The following CAMK1D variants were observed in gnomAD, a reference collection of about 807,000 sequenced individuals.
CAMK1D encodes the protein calcium/calmodulin dependent protein kinase ID.
A neutral mutation model predicts 47.7 loss-of-function variants in CAMK1D; 9 were observed. That is an observed-to-expected ratio of 0.19 (90% CI 0.11 to 0.33). The LOEUF (loss-of-function observed/expected upper bound fraction) is 0.33. Ranked by LOEUF, CAMK1D falls within the 10% of genes least tolerant of loss-of-function variation. The probability of loss-of-function intolerance (pLI) is 1.00; values close to 1 mark genes in which losing one functional copy is unlikely to be tolerated. For missense variants in CAMK1D, 291 were observed against 488.7 expected, an observed-to-expected ratio of 0.60 and a Z score of 3.81; for synonymous variants, 184 against 184.9, an observed-to-expected ratio of 0.99 and a Z score of 0.04.
At chr10:12,470,463 T>C (rs1188510781) in intron 1 of CAMK1D, among the ~76,000 whole-genome samples, 1 of 152,206 alleles carries the variant, frequency 6.6e-6, no homozygotes, top group Non-Finnish European at 1.5e-5. Context: ...ATATTGTAAA[T>C]TTTTCACTAA....
chr10:12,573,356 C>T (rs1837385498), intron 2 of CAMK1D, among the ~76,000 whole-genome samples: 1 of 136,334 alleles, frequency 7.3e-6, no homozygotes, highest in Non-Finnish European at 1.5e-5. Context: ...TGCTTTTTAT[C>T]GTCATGCAGA....
At chr10:12,526,951 C>T (rs981337502) in intron 1 of CAMK1D, among the ~76,000 whole-genome samples, 60 of 150,436 alleles carry the variant, frequency 4.0e-4, no homozygotes, top group Non-Finnish European at 2.7e-4. Flanking sequence ...CTCAGAAGGC[C>T]GAGATGGGAG....
At chr10:12,427,154 C>T (rs1840262559) in intron 1 of CAMK1D, among the ~76,000 whole-genome samples, 1 of 152,318 alleles carries the variant, frequency 6.6e-6, no homozygotes, top group African/African-American at 2.4e-5. Context: ...AACTGGGCAT[C>T]ACTGGCATTT....
chr10:12,797,809 G>T (rs914936435), intron 6 of CAMK1D, among the ~76,000 whole-genome samples: 2 of 152,094 alleles, frequency 1.3e-5, no homozygotes, highest in African/African-American at 2.4e-5. Context: ...CAGAATTTGG[G>T]CCATATTTCA....
At chr10:12,450,556 A>G (rs1226261222) in intron 1 of CAMK1D, among the ~76,000 whole-genome samples, 1 of 152,230 alleles carries the variant, frequency 6.6e-6, no homozygotes, top group Non-Finnish European at 1.5e-5. Context: ...TGGTGTCTCC[A>G]GCTGGGCTTG....
chr10:12,685,644 T>C lies in CAMK1D; in HGVS notation c.299+18834T>C, dbSNP rs1412282494. Among the ~76,000 whole-genome samples the C allele has an allele frequency of 3.3e-5, 5 of 152,298 alleles. No individual in the cohort carries two copies. In the South Asian group the frequency reaches 1.0e-3, roughly 32 times the overall value. Reference sequence around the variant, plus strand: ...TTCTCCAGCTGCTGAATTATGCATATTTTTATTCAGAAAAGTCACCCTAGG... The same window carrying C: ...TTCTCCAGCTGCTGAATTATGCATACTTTTATTCAGAAAAGTCACCCTAGG... On this transcript the variant is annotated intron_variant, in intron 3 of 10. Transcript: ENST00000619168.
intron 1 of CAMK1D, among the ~76,000 whole-genome samples, chr10:12,480,842 T>A (rs796066264): frequency 6.6e-5 from 10 of 152,306 alleles, no homozygotes; most frequent in African/African-American, 2.2e-4. Flanking sequence ...CGTGTAGATA[T>A]ATGAGATGCA....
At chr10:12,508,657 T>C (rs1042185772) in intron 1 of CAMK1D, among the ~76,000 whole-genome samples, 17 of 152,314 alleles carry the variant, frequency 1.1e-4, no homozygotes, top group Non-Finnish European at 1.0e-4. Flanking sequence ...ATGTGACATA[T>C]ATTTTATCAC....
rs533248048 is a variant in CAMK1D, at chr10:12,509,154, C to T, written c.93-44071C>T. ...GGGAACCTTCCTCTGGATAATTGCA[C>T]GACTTTCCCTTTAGCAGCCGCCAAT... On this transcript the variant is annotated intron_variant, in intron 1 of 10. Transcript: ENST00000619168. Among the ~76,000 whole-genome samples the T allele has an allele frequency of 1.7e-4, 26 of 152,326 alleles. No homozygotes were observed. The South Asian group carries it at 3.5e-3, about 21-fold the overall frequency.
intron 1 of CAMK1D, among the ~76,000 whole-genome samples, chr10:12,392,128 C>T (rs1329247779): frequency 6.6e-6 from 1 of 152,072 alleles, no homozygotes; most frequent in African/African-American, 2.4e-5. Context: ...CATGGTGAAA[C>T]TCCGTTTCTA....
At chr10:12,459,602 C>G (rs894122937) in intron 1 of CAMK1D, among the ~76,000 whole-genome samples, 2 of 152,108 alleles carry the variant, frequency 1.3e-5, no homozygotes, top group African/African-American at 4.8e-5. Flanking sequence ...GGCGATAGCT[C>G]CATGGTAGAT....
intron 2 of CAMK1D, among the ~76,000 whole-genome samples, chr10:12,604,709 C>T (rs1383632616): frequency 6.6e-6 from 1 of 152,110 alleles, no homozygotes; most frequent in Non-Finnish European, 1.5e-5. Context: ...CATCATCTGT[C>T]ATGTGTCTAA....
rs7475015 is a variant in CAMK1D at position 12,711,253 on chromosome 10, A to C, written c.299+44443A>C. Among the ~76,000 whole-genome samples, 1,453 of 152,328 alleles carry C rather than the reference A, an allele frequency of 9.5e-3. 28 individuals are homozygous for C. Among genetic ancestry groups the C allele is most frequent in the African/African-American group, 0.032 (1,335 of 41,574 alleles). Reference sequence around the variant, plus strand: ...AATCCAAGATCTAGCCATTTTCAGCAGTGGTCATAGGGGACTGGAACGGGG... The same window carrying C: ...AATCCAAGATCTAGCCATTTTCAGCCGTGGTCATAGGGGACTGGAACGGGG... On this transcript the variant is annotated intron_variant, in intron 3 of 10. Transcript: ENST00000619168.
chr10:12,356,738 AAAAAAG>A (rs1316154512), intron 1 of CAMK1D, among the ~76,000 whole-genome samples: 5 of 151,726 alleles, frequency 3.3e-5, no homozygotes, highest in African/African-American at 7.3e-5. Context: ...AAAAAAAAAA[AAAAAAG>A]AAAAGGTGAA....
In CAMK1D at chr10:12,374,510, A is replaced by G. The variant is rs960456935; in HGVS notation, c.92+24600A>G. ...TTCCAGAGCCCACCACTGATTCTTC[A>G]GGGCCAACTCAAATCTGATCTCTGC... On this transcript the variant is annotated intron_variant, in intron 1 of 10. Transcript: ENST00000619168. Among the ~76,000 whole-genome samples, 7 of 152,170 alleles carry G rather than the reference A, an allele frequency of 4.6e-5. No individual in the cohort carries two copies. In the East Asian group the frequency reaches 1.3e-3, roughly 29 times the overall value.
intron 6 of CAMK1D, among the ~76,000 whole-genome samples, chr10:12,797,411 G>C (rs1273666351): frequency 6.6e-6 from 1 of 151,672 alleles, no homozygotes; most frequent in African/African-American, 2.4e-5. Flanking sequence ...TTAGAGACGG[G>C]GTCTCACTAT....
At chr10:12,685,801 G>A (rs1169088690) in intron 3 of CAMK1D, among the ~76,000 whole-genome samples, 1 of 152,228 alleles carries the variant, frequency 6.6e-6, no homozygotes, top group Middle Eastern at 3.2e-3. Context: ...CCTAGAGACA[G>A]ACTCTCACTT....
chr10:12,624,087 A>G (rs1363241323), intron 2 of CAMK1D, among the ~76,000 whole-genome samples: 1 of 152,180 alleles, frequency 6.6e-6, no homozygotes, highest in African/African-American at 2.4e-5. Context: ...TCAAAAAGCA[A>G]AACAAAACAA....
chr10:12,559,509 T>C (rs1458432116), intron 2 of CAMK1D, among the ~76,000 whole-genome samples: 3 of 152,080 alleles, frequency 2.0e-5, no homozygotes, highest in Non-Finnish European at 2.9e-5. Context: ...CTGCTCCGTA[T>C]GATGACTAGG....
Sources: allele counts gnomAD v4.1 joint callset (sites outside exome capture counted in the v4.1 genomes callset), GRCh38; gene constraint gnomAD v4.1.1; transcripts MANE v1.5; gene names NCBI Gene and HGNC (gene_info 2026-07-23, HGNC 2026-07-21).